Variants in AGO1 observed in about 807,000 individuals in gnomAD.
AGO1 encodes the protein protein argonaute-1.
A neutral mutation model predicts 109.2 loss-of-function variants in AGO1; 11 were observed. That is an observed-to-expected ratio of 0.10 (90% CI 0.06 to 0.17). The LOEUF (loss-of-function observed/expected upper bound fraction) is 0.17, where lower values mean the gene tolerates loss of function less well. Among genes scored for constraint, AGO1 ranks in the 10% least tolerant of loss-of-function variants. The pLI, the probability that AGO1 is intolerant of heterozygous loss-of-function variation, is 1.00. For missense variants in AGO1, 574 were observed against 1,140.3 expected (o/e 0.50, Z 7.15); for synonymous variants, 422 against 418.6 (o/e 1.01, Z -0.10).
At position 35,920,563 on chromosome 1, in the gene AGO1, A is replaced by G. The variant is rs1645813267; in HGVS notation, c.*956A>G. On this transcript the variant is annotated 3_prime_UTR_variant, in exon 19 of 19. Coordinates refer to ENST00000373204, the MANE Select transcript of AGO1 (RefSeq NM_012199.5). ...GACTTCCTCATTCATTGAGCTTTTT[A>G]AAAGATCACAACCTCAAGATGGTTA... 1 of 152,554 alleles carries G rather than the reference A, an allele frequency of 6.6e-6. No individual in the cohort carries two copies. Among genetic ancestry groups the G allele is most frequent in the African/African-American group, 2.4e-5 (1 of 41,454 alleles). 9.5% of individuals were successfully genotyped at this position (152,554 alleles called of 1,614,324 possible). A position where few individuals can be genotyped will look rare whatever the true frequency, so the allele number is the denominator to read the frequency against.
intron 7 of AGO1, 142 bp downstream of exon 7, chr1:35,894,544 A>T (rs553053623): frequency 2.4e-6 from 2 of 825,058 alleles, no homozygotes; most frequent in Non-Finnish European, 3.9e-6. Flanking sequence ...AAGCTGTGGG[A>T]ATTTGGCATC....
chr1:35,890,567 C>T (rs1313531235), intron 2 of AGO1, among the ~76,000 whole-genome samples: 1 of 152,050 alleles, frequency 6.6e-6, no homozygotes, highest in Non-Finnish European at 1.5e-5. Flanking sequence ...TATTGAGGAA[C>T]ATTTGAGTCT....
chr1:35,869,876 AG>A (rs948738033), exon 1 of AGO1: 8 of 152,148 alleles, frequency 5.3e-5, no homozygotes, highest in Non-Finnish European at 1.5e-5. Context: ...CTGAGGACAC[AG>A]GGGAAGAATT....
In AGO1 at chr1:35,919,541, C is replaced by A; in HGVS notation, c.2508C>A (p.Asp836Glu). 1 of 1,614,118 alleles carries A rather than the reference C, an allele frequency of 6.2e-7. No individual in the cohort carries two copies. Among genetic ancestry groups the A allele is most frequent in the Non-Finnish European group, 8.5e-7 (1 of 1,180,004 alleles). ...SHISGQSNGR[D>E]PQALAKAVQV... ...TATCGGGGCAGAGCAATGGGCGGGA[C>A]CCCCAGGCCCTGGCCAAAGCCGTGC... Residue 836 changes from aspartate to glutamate, a missense_variant, in exon 19 of 19, where the codon GAC becomes GAA. By Grantham distance (45) the Asp-to-Glu change is conservative. This residue lies in a region of AGO1 where 33 missense variants were observed against 44.2 expected (regional missense o/e 0.75). Transcript: ENST00000373204. This position sits in a 1 kb window ranked among gnomAD's most constrained non-coding sequence, Gnocchi z 6.6.
At chr1:35,889,065 CCTTGATGAGGCAGAAGGACA>C (rs1645169827) in intron 2 of AGO1, among the ~76,000 whole-genome samples, 1 of 150,352 alleles carries the variant, frequency 6.7e-6, no homozygotes, top group African/African-American at 2.5e-5. Flanking sequence ...AATGGGATGT[CCTTGATGAGGCAGAAGGACA>C]GAGGGGAGAA....
rs1645827616 is a variant in AGO1, at chr1:35,921,301, T to C, written c.*1694T>C. ...GCATGGACTTTTTTTTTTTTTTTTT[T>C]TTGTCTTGAGACATGGGGTTTGGCT... On this transcript the variant is annotated 3_prime_UTR_variant, in exon 19 of 19. Coordinates refer to ENST00000373204, the MANE Select transcript of AGO1 (RefSeq NM_012199.5). 2 of 151,752 alleles carry C rather than the reference T, an allele frequency of 1.3e-5. No individual in the cohort carries two copies. The highest frequency in any genetic ancestry group is 6.6e-5 in the Admixed American group (1 of 15,210). The allele number at this position is 151,752 out of a possible 1,614,324, so 9.4% of individuals were successfully genotyped here. A position where few individuals can be genotyped will look rare whatever the true frequency, so the allele number is the denominator to read the frequency against.
chr1:35,914,629 G>C (rs1310056329), intron 14 of AGO1, among the ~76,000 whole-genome samples: 1 of 152,112 alleles, frequency 6.6e-6, no homozygotes, highest in East Asian at 1.9e-4. Flanking sequence ...ACTATCCTTT[G>C]CTCTGCCCAT....
At chr1:35,903,163 C>T (rs1037742317) in intron 11 of AGO1, among the ~76,000 whole-genome samples, 29 of 151,992 alleles carry the variant, frequency 1.9e-4, no homozygotes, top group African/African-American at 4.3e-4. Flanking sequence ...CCCGCCACCA[C>T]GCCCAGCTAA....
At position 35,901,422 on chromosome 1, in the gene AGO1, A is replaced by G. The variant is rs1422807452; in HGVS notation, c.1021-52A>G. The G allele has an allele frequency of 3.1e-6, 5 of 1,610,346 alleles. No homozygotes were observed. Among genetic ancestry groups the G allele is most frequent in the Non-Finnish European group, 4.2e-6 (5 of 1,178,028 alleles). ...CTTTCCTTATTGTGGGGCTCTGGGT[A>G]CAGGGTGGACTGTACTCAAGCCAGA... is the stretch of plus-strand genomic sequence containing the variant. On this transcript the variant is annotated intron_variant, in intron 8 of 18. Coordinates refer to ENST00000373204, the MANE Select transcript of AGO1 (RefSeq NM_012199.5). This position sits in a 1 kb window ranked among gnomAD's most constrained non-coding sequence, Gnocchi z 4.8.
chr1:35,902,573 G>A lies in AGO1; in HGVS notation c.1397+236G>A, dbSNP rs59817408. Among the ~76,000 whole-genome samples the A allele has an allele frequency of 8.1e-3, 1,227 of 152,330 alleles. 16 individuals are homozygous for A. The highest frequency in any genetic ancestry group is 0.028 in the African/African-American group (1,148 of 41,568). ...GATGATTTTAGGGCATGAATCTCCTGAGAGAGGCCTGAATTATTGTTATAA... is the reference window on the plus strand; with the variant it reads ...GATGATTTTAGGGCATGAATCTCCTAAGAGAGGCCTGAATTATTGTTATAA... On this transcript the variant is annotated intron_variant, in intron 11 of 18. Coordinates refer to ENST00000373204, the MANE Select transcript of AGO1 (RefSeq NM_012199.5).
intron 1 of AGO1, among the ~76,000 whole-genome samples, chr1:35,874,216 G>C (rs1019289013): frequency 1.3e-5 from 2 of 152,172 alleles, no homozygotes; most frequent in Non-Finnish European, 2.9e-5. Context: ...CGGGGTTGCT[G>C]AAGTGCAGAG....
chr1:35,909,361 C>T (rs573199179), intron 12 of AGO1, among the ~76,000 whole-genome samples: 17 of 152,318 alleles, frequency 1.1e-4, no homozygotes, highest in African/African-American at 4.1e-4. Flanking sequence ...CTGGCTTGGA[C>T]ACATATCTAA....
At position 35,903,961 on chromosome 1, in the gene AGO1, CA is replaced by C. The variant is rs199736774; in HGVS notation, c.1397+1637del. On this transcript the variant is annotated intron_variant, in intron 11 of 18. Transcript: ENST00000373204. ...GTGGTAACAAAGCGAGACTCCATCT[CA>C]AAAAAAAAAAAAGTTCTAACAGCTC... Among the ~76,000 whole-genome samples the C allele has an allele frequency of 4.9e-3, 673 of 138,546 alleles. 3 individuals are homozygous for C. Among genetic ancestry groups the C allele is most frequent in the African/African-American group, 9.6e-3 (364 of 37,932 alleles). 90.9% of individuals were successfully genotyped at this position (138,546 alleles called of 152,430 possible).
rs1388537209 is a variant in AGO1, at chr1:35,901,911, T to C, written c.1141-37T>C. On this transcript the variant is annotated intron_variant, in intron 9 of 18. Coordinates refer to ENST00000373204, the MANE Select transcript of AGO1 (RefSeq NM_012199.5). This position sits in a 1 kb window ranked among gnomAD's most constrained non-coding sequence, Gnocchi z 4.8. Reference sequence around the variant, plus strand: ...CAGAGGGTGAGCAGTATTGCCAAGCTCCTGTTCTCCTGAGATTGCTCTCTT... The same window carrying C: ...CAGAGGGTGAGCAGTATTGCCAAGCCCCTGTTCTCCTGAGATTGCTCTCTT... 13 of 1,551,090 alleles carry C rather than the reference T, an allele frequency of 8.4e-6. No homozygotes were observed. The highest frequency in any genetic ancestry group is 8.7e-7 in the Non-Finnish European group (1 of 1,149,486).
In AGO1 at chr1:35,911,975, T is replaced by A. The variant is rs146445749; in HGVS notation, c.1583-1867T>A. The stretch of plus-strand genomic sequence containing the variant: ...TTTTTTTGTCCTTTGCTGACTCATC[T>A]TCTTGTTCTGCCAATACTGGGAGTT... On this transcript the variant is annotated intron_variant, in intron 12 of 18. Transcript: ENST00000373204. 2.2e-3 allele frequency among the ~76,000 whole-genome samples: 341 copies of A among 152,326 alleles called. 3 individuals carry two copies. Among genetic ancestry groups the A allele is most frequent in the African/African-American group, 7.7e-3 (320 of 41,578 alleles).
chr1:35,882,927 G>T (rs559392611), upstream of AGO1: 39 of 982,304 alleles, frequency 4.0e-5, no homozygotes, highest in South Asian at 1.7e-3. The surrounding 1 kb of genome is among the most constrained non-coding windows in gnomAD (Gnocchi z 5.1). Context: ...ACAGGCGGGG[G>T]CTGTGTGTAG....
In AGO1 at chr1:35,888,662, GA is replaced by G; in HGVS notation, c.209+53del. 1 of 1,598,546 alleles carries G rather than the reference GA, an allele frequency of 6.3e-7. No homozygotes were observed. The highest frequency in any genetic ancestry group is 8.6e-7 in the Non-Finnish European group (1 of 1,169,476). ...AATCTGAAAGACACCAACCTTGAAA[GA>G]GGGGCCAGAAAGGTAAAAGAAAAAC... is the stretch of plus-strand genomic sequence containing the variant. On this transcript the variant is annotated intron_variant, in intron 2 of 18. Coordinates refer to ENST00000373204, the MANE Select transcript of AGO1 (RefSeq NM_012199.5). The surrounding 1 kb of genome is among the most constrained non-coding windows in gnomAD (Gnocchi z 4.1).
At position 35,927,334 on chromosome 1, in the gene AGO1, G is replaced by T. The variant is rs901095268; in HGVS notation, c.*7727G>T. The T allele has an allele frequency of 6.6e-6, 1 of 152,052 alleles. No individual in the cohort carries two copies. The highest frequency in any genetic ancestry group is 1.5e-5 in the Non-Finnish European group (1 of 68,018). 9.4% of individuals were successfully genotyped at this position (152,052 alleles called of 1,614,324 possible). A position where few individuals can be genotyped will look rare whatever the true frequency, so the allele number is the denominator to read the frequency against. The stretch of plus-strand genomic sequence containing the variant: ...AATCCTAATTTAATGTTACTCCAAG[G>T]TTGGTTAATTCAGTGGCTCAGTGAT... On this transcript the variant is annotated 3_prime_UTR_variant, in exon 19 of 19. Transcript: ENST00000373204.
At position 35,927,042 on chromosome 1, in the gene AGO1, T is replaced by G. The variant is rs1557631973; in HGVS notation, c.*7435T>G. On this transcript the variant is annotated 3_prime_UTR_variant, in exon 19 of 19. Coordinates refer to ENST00000373204, the MANE Select transcript of AGO1 (RefSeq NM_012199.5). ...TCCCCATTTTCCAAAGGGAGGGAAC[T>G]TTCCTCTTAAAAGAGACAGTGGGAA... 6.6e-6 allele frequency: 1 copy of G among 151,224 alleles called. No individual in the cohort carries two copies. The highest frequency in any genetic ancestry group is 2.0e-4 in the East Asian group (1 of 5,102). 9.4% of individuals were successfully genotyped at this position (151,224 alleles called of 1,614,324 possible).
Sources: gnomAD v4.1 joint callset for allele counts (sites outside exome capture counted in the v4.1 genomes callset) on GRCh38, gnomAD v4.1.1 for gene constraint, gnomAD v4.1.1 regional missense constraint, Gnocchi (gnomAD v3.1) non-coding constraint, MANE v1.5 for transcripts, NCBI Gene and HGNC (gene_info 2026-07-23, HGNC 2026-07-21) for gene names.